Variants in NRP2 observed in about 807,000 individuals in gnomAD.
The protein encoded by NRP2 is neuropilin-2.
Under a neutral mutation model 110.4 loss-of-function variants are expected in NRP2, and 52 were observed. The ratio of observed to expected loss-of-function variants is 0.47; its 90% CI spans 0.38 to 0.59. NRP2 has a LOEUF of 0.59. Among genes scored for constraint, NRP2 ranks in the 20% least tolerant of loss-of-function variants. The pLI is 0.00. For synonymous variants in NRP2, 508 were observed against 468.9 expected, an observed-to-expected ratio of 1.08 and a Z score of -1.08; for missense variants, 1,049 against 1,203.0, an observed-to-expected ratio of 0.87 and a Z score of 1.89.
chr2:205,730,504 G>A (rs2057216948), intron 7 of NRP2, among the ~76,000 whole-genome samples: 2 of 152,154 alleles, frequency 1.3e-5, no homozygotes. Context: ...GCTTGAAAGT[G>A]AAATTCAGAC....
At chr2:205,777,902 G>A (rs962653814) in intron 15 of NRP2, 2 of 152,204 alleles carry the variant, frequency 1.3e-5, no homozygotes, top group East Asian at 1.9e-4. Flanking sequence ...ATATTCAGAT[G>A]TTGCCGCATC....
intron 2 of NRP2, among the ~76,000 whole-genome samples, chr2:205,710,352 T>A (rs1488937327): frequency 1.3e-5 from 2 of 152,216 alleles, no homozygotes; most frequent in Non-Finnish European, 2.9e-5. Context: ...CCTCGATGTC[T>A]GCATCTGCAA....
chr2:205,697,943 A>T (rs2056470367), intron 2 of NRP2: 1 of 600,470 alleles, frequency 1.7e-6, no homozygotes, highest in Admixed American at 2.7e-5. Flanking sequence ...TTGAGTGAAA[A>T]GTAGAGAATA....
intron 7 of NRP2, among the ~76,000 whole-genome samples, chr2:205,728,757 T>C (rs956211816): frequency 2.0e-5 from 3 of 152,234 alleles, no homozygotes; most frequent in African/African-American, 7.2e-5. Flanking sequence ...TATGTGTATA[T>C]ACACAGCACA....
At position 205,686,337 on chromosome 2, in the gene NRP2, C is replaced by T. The variant is rs1204374850; in HGVS notation, c.73+2974C>T. 6.6e-6 allele frequency among the ~76,000 whole-genome samples: 1 copy of T among 152,166 alleles called. No homozygotes were observed. Among genetic ancestry groups the T allele is most frequent in the Non-Finnish European group, 1.5e-5 (1 of 68,024 alleles). The stretch of plus-strand genomic sequence containing the variant: ...GCAGCGCTGGTCTCTGGAGAAGCCT[C>T]TGCCTGCAGCCGCCGGCGAGTTCCC... On this transcript the variant is annotated intron_variant, in intron 1 of 16. Transcript: ENST00000357785. The surrounding 1 kb of genome is among the most constrained non-coding windows in gnomAD (Gnocchi z 4.7).
intron 12 of NRP2, among the ~76,000 whole-genome samples, chr2:205,756,051 G>T (rs1364399359): frequency 2.0e-5 from 3 of 150,760 alleles, no homozygotes; most frequent in Non-Finnish European, 3.0e-5. Flanking sequence ...TAAGCAATTA[G>T]TTCTGTTCTT....
intron 7 of NRP2, among the ~76,000 whole-genome samples, chr2:205,734,033 G>A (rs2057294148): frequency 6.6e-6 from 1 of 152,140 alleles, no homozygotes; most frequent in African/African-American, 2.4e-5. Context: ...ATGTAGGAAA[G>A]CTGCCTGATG....
chr2:205,759,218 G>T (rs775968650), intron 12 of NRP2, among the ~76,000 whole-genome samples: 2 of 152,198 alleles, frequency 1.3e-5, no homozygotes, highest in Non-Finnish European at 2.9e-5. Flanking sequence ...GGTTCCTAGG[G>T]AAGCAAAGAC....
intron 2 of NRP2, among the ~76,000 whole-genome samples, chr2:205,709,596 T>C (rs2105775046): frequency 6.6e-6 from 1 of 152,344 alleles, no homozygotes. Context: ...AAAGCCCACA[T>C]GCTACACTTC....
intron 15 of NRP2, chr2:205,776,376 G>T (rs767621405): frequency 6.2e-7 from 1 of 1,613,288 alleles, no homozygotes; most frequent in Admixed American, 1.7e-5. Context: ...CGCTGGCCCT[G>T]GTGCTCCACT....
At chr2:205,698,483 A>AT (rs2056484296) in intron 2 of NRP2, among the ~76,000 whole-genome samples, 1 of 152,124 alleles carries the variant, frequency 6.6e-6, no homozygotes, top group Non-Finnish European at 1.5e-5. Flanking sequence ...GTCTTACAAC[A>AT]TTGGTTCTGC....
intron 7 of NRP2, among the ~76,000 whole-genome samples, chr2:205,730,556 C>T (rs1032351104): frequency 2.0e-5 from 3 of 152,068 alleles, no homozygotes; most frequent in Non-Finnish European, 4.4e-5. Context: ...TGAAGGCAAC[C>T]GCCTGCTCTG....
intron 2 of NRP2, among the ~76,000 whole-genome samples, chr2:205,714,902 C>T (rs908510720): frequency 2.6e-5 from 4 of 152,202 alleles, no homozygotes; most frequent in Non-Finnish European, 4.4e-5. Context: ...CCACTCCTTC[C>T]GGCAGCCGGC....
intron 15 of NRP2, among the ~76,000 whole-genome samples, chr2:205,786,478 G>A (rs1016521315): frequency 2.0e-5 from 3 of 152,180 alleles, no homozygotes; most frequent in African/African-American, 7.2e-5. Context: ...ACAAGGTGTT[G>A]AAAATCTATG....
At chr2:205,691,211 G>A (rs779450144) in intron 1 of NRP2, among the ~76,000 whole-genome samples, 11 of 152,160 alleles carry the variant, frequency 7.2e-5, no homozygotes, top group Non-Finnish European at 1.0e-4. Context: ...TCAGTAGACT[G>A]GATGAGGCCC....
chr2:205,776,246 G>A, intron 15 of NRP2: 1 of 1,612,264 alleles, frequency 6.2e-7, no homozygotes, highest in East Asian at 2.2e-5. Context: ...TCTCCACCAG[G>A]GGGCACCCTC....
chr2:205,703,785 G>A (rs924140392), intron 2 of NRP2, among the ~76,000 whole-genome samples: 12 of 152,196 alleles, frequency 7.9e-5, no homozygotes, highest in Non-Finnish European at 1.6e-4. Context: ...AGGGTTTGAT[G>A]CCTTCAGGAA....
At chr2:205,743,109 G>C in intron 8 of NRP2, 94 bp from the exon 9 acceptor site, 15 of 1,598,002 alleles carry the variant, frequency 9.4e-6, no homozygotes, top group Non-Finnish European at 1.3e-5. Flanking sequence ...GTATTTGACA[G>C]TTGGGCTCTT....
In NRP2 at chr2:205,763,004, C is replaced by G. The variant is rs1249882280; in HGVS notation, c.2045-670C>G. On this transcript the variant is annotated intron_variant, in intron 12 of 16. Coordinates refer to ENST00000357785, the MANE Select transcript of NRP2 (RefSeq NM_003872.3). The surrounding 1 kb of genome is among the most constrained non-coding windows in gnomAD (Gnocchi z 4.0). The stretch of plus-strand genomic sequence containing the variant: ...ACTGGAGCCATATGTGCCTGGCTGT[C>G]TCAGAAAGGCCAAGTTCAAGCCTCC... Among the ~76,000 whole-genome samples the G allele has an allele frequency of 6.6e-6, 1 of 152,200 alleles. No homozygotes were observed. The highest frequency in any genetic ancestry group is 2.4e-5 in the African/African-American group (1 of 41,444).
Sources: allele counts gnomAD v4.1 joint callset (sites outside exome capture counted in the v4.1 genomes callset), GRCh38; gene constraint gnomAD v4.1.1; non-coding constraint Gnocchi (gnomAD v3.1); transcripts MANE v1.5; gene names NCBI Gene and HGNC (gene_info 2026-07-23, HGNC 2026-07-21).